The following TRIQK variants were observed in gnomAD, a reference collection of about 807,000 sequenced individuals.
TRIQK encodes the protein triple QxxK/R motif-containing protein.
A neutral mutation model predicts 10.8 loss-of-function variants in TRIQK; 10 were observed. The ratio of observed to expected loss-of-function variants is 0.92; its 90% confidence interval spans 0.57 to 1.57. The LOEUF is 1.57. TRIQK is among the 40% of genes most tolerant of loss of function. The probability of loss-of-function intolerance (pLI) is 0.00; values close to 1 mark genes in which losing one functional copy is unlikely to be tolerated. For synonymous variants in TRIQK, 33 were observed against 33.7 expected, an observed-to-expected ratio of 0.98 and a Z score of 0.07; for missense variants, 107 against 97.7, an observed-to-expected ratio of 1.09 and a Z score of -0.40.
intron 1 of TRIQK, among the ~76,000 whole-genome samples, chr8:92,993,425 G>A (rs1247191405): frequency 6.6e-6 from 1 of 152,156 alleles, no homozygotes; most frequent in Non-Finnish European, 1.5e-5. Context: ...ACTGCTTCCT[G>A]ACAAGCCTCC....
chr8:92,912,105 G>A (rs559880433), intron 3 of TRIQK, among the ~76,000 whole-genome samples: 149 of 151,380 alleles, frequency 9.8e-4, no homozygotes, highest in African/African-American at 3.3e-3. Flanking sequence ...AACATTCCAA[G>A]CAAAAGTAAC....
intron 2 of TRIQK, among the ~76,000 whole-genome samples, chr8:92,931,700 C>T (rs1249602895): frequency 6.6e-6 from 1 of 152,016 alleles, no homozygotes; most frequent in Non-Finnish European, 1.5e-5. Flanking sequence ...ATAGGATGAC[C>T]ATATAACTTA....
chr8:92,965,444 T>G (rs1812687536), intron 1 of TRIQK: 1 of 152,164 alleles, frequency 6.6e-6, no homozygotes, highest in Admixed American at 6.5e-5. Flanking sequence ...TGCAAATGTT[T>G]TGGTATGCAA....
At chr8:92,922,980 A>T (rs1445806103) in intron 2 of TRIQK, among the ~76,000 whole-genome samples, 1 of 151,870 alleles carries the variant, frequency 6.6e-6, no homozygotes, top group African/African-American at 2.4e-5. Flanking sequence ...AAAACAAAAA[A>T]TGCTTATAGA....
chr8:92,958,056 T>TGA (rs1247906933), intron 1 of TRIQK, among the ~76,000 whole-genome samples: 1 of 151,920 alleles, frequency 6.6e-6, no homozygotes, highest in Non-Finnish European at 1.5e-5. Flanking sequence ...AAACCTGAAA[T>TGA]GGATCCTCAT....
chr8:92,909,676 C>G (rs967554783), intron 3 of TRIQK, among the ~76,000 whole-genome samples: 1 of 151,644 alleles, frequency 6.6e-6, no homozygotes, highest in Admixed American at 6.6e-5. Flanking sequence ...CCAAGTTGCT[C>G]ATAAAATACA....
chr8:92,902,386 A>G (rs1245750945), intron 3 of TRIQK, among the ~76,000 whole-genome samples: 2 of 152,220 alleles, frequency 1.3e-5, no homozygotes, highest in African/African-American at 4.8e-5. Context: ...GCAAATTCCC[A>G]CAATCACTGC....
intron 1 of TRIQK, among the ~76,000 whole-genome samples, chr8:92,958,426 T>G (rs192859510): frequency 6.6e-6 from 1 of 152,106 alleles, no homozygotes; most frequent in African/African-American, 2.4e-5. Flanking sequence ...ATATTGTACA[T>G]ACTTATCTCT....
At chr8:92,942,389 C>T (rs1016462555) in intron 2 of TRIQK, among the ~76,000 whole-genome samples, 11 of 152,106 alleles carry the variant, frequency 7.2e-5, no homozygotes, top group East Asian at 1.9e-4. Flanking sequence ...ATAGAAGGTA[C>T]GCACCTCAAC....
At chr8:92,902,770 T>C (rs1394694710) in intron 3 of TRIQK, among the ~76,000 whole-genome samples, 1 of 152,120 alleles carries the variant, frequency 6.6e-6, no homozygotes, top group Non-Finnish European at 1.5e-5. Context: ...AATAAAACTA[T>C]TGATATGTTT....
At chr8:92,986,856 C>A (rs1244995417) in intron 1 of TRIQK, among the ~76,000 whole-genome samples, 5 of 151,998 alleles carry the variant, frequency 3.3e-5, no homozygotes, top group Admixed American at 1.3e-4. Flanking sequence ...TAATTGGGTG[C>A]CATCTAAGGA....
At chr8:92,960,210 C>G (rs1325945661) in intron 1 of TRIQK, among the ~76,000 whole-genome samples, 1 of 152,000 alleles carries the variant, frequency 6.6e-6, no homozygotes, top group East Asian at 1.9e-4. Context: ...GTCTATCTAT[C>G]TATCTATCTA....
At chr8:93,001,682 G>A (rs1334412670) in intron 1 of TRIQK, among the ~76,000 whole-genome samples, 1 of 152,140 alleles carries the variant, frequency 6.6e-6, no homozygotes, top group South Asian at 2.1e-4. Flanking sequence ...TGTAATAGAA[G>A]AATAGTAGGG....
At chr8:92,888,398 AT>A (rs1816593741) in intron 4 of TRIQK, among the ~76,000 whole-genome samples, 1 of 151,682 alleles carries the variant, frequency 6.6e-6, no homozygotes, top group South Asian at 2.1e-4. Flanking sequence ...GAAGCAGAGA[AT>A]ATTCATAGAA....
chr8:92,941,141 A>G (rs1447741872), intron 2 of TRIQK: 1 of 152,140 alleles, frequency 6.6e-6, no homozygotes, highest in Non-Finnish European at 1.5e-5. Flanking sequence ...ATCTTGGCTC[A>G]CTTCAACCTC....
intron 2 of TRIQK, among the ~76,000 whole-genome samples, chr8:92,940,670 A>T (rs1258827633): frequency 6.6e-6 from 1 of 152,226 alleles, no homozygotes; most frequent in Non-Finnish European, 1.5e-5. Context: ...ACTCCAACAC[A>T]ATAATAGCAC....
At chr8:92,950,400 C>A (rs1811833310) in intron 2 of TRIQK, among the ~76,000 whole-genome samples, 1 of 152,080 alleles carries the variant, frequency 6.6e-6, no homozygotes, top group African/African-American at 2.4e-5. Context: ...ACACACTAGT[C>A]CCCATTTTTA....
intron 1 of TRIQK, among the ~76,000 whole-genome samples, chr8:92,990,659 C>A (rs1446023035): frequency 6.6e-6 from 1 of 152,112 alleles, no homozygotes; most frequent in African/African-American, 2.4e-5. Context: ...GGTCAGGGAA[C>A]TCCCTCCCCT....
intron 1 of TRIQK, chr8:92,965,590 A>T (rs934509247): frequency 2.6e-5 from 4 of 152,410 alleles, no homozygotes; most frequent in African/African-American, 9.6e-5. Flanking sequence ...CGGTCAGCAC[A>T]AAGGAGCCAA....
Sources: allele counts gnomAD v4.1 joint callset (sites outside exome capture counted in the v4.1 genomes callset), GRCh38; gene constraint gnomAD v4.1.1; transcripts MANE v1.5; gene names NCBI Gene and HGNC (gene_info 2026-07-23, HGNC 2026-07-21).